ACER1: variants seen among roughly 807,000 people sequenced by gnomAD.
ACER1 encodes the protein CTB-180A7.3.
A neutral mutation model predicts 24.9 loss-of-function variants in ACER1; 28 were observed. That is an observed-to-expected ratio of 1.13 (90% CI 0.83 to 1.54). ACER1 has a LOEUF of 1.54. Among genes scored for constraint, ACER1 ranks in the 40% most tolerant of loss-of-function variants. ACER1 has a pLI of 0.00. For synonymous variants in ACER1, 132 were observed against 131.4 expected, an observed-to-expected ratio of 1.00 and a Z score of -0.03; for missense variants, 352 against 349.3, an observed-to-expected ratio of 1.01 and a Z score of -0.06.
At chr19:6,358,933 C>CAAA in the ACER1 span, among the ~76,000 whole-genome samples, 6 of 75,398 alleles carry the variant, frequency 8.0e-5, no homozygotes, top group African/African-American at 2.4e-4. Context: ...AACTCTGTCT[C>CAAA]AAAAAAAAAA....
the ACER1 span, among the ~76,000 whole-genome samples, chr19:6,350,580 G>GAAAGAAAAA: frequency 7.6e-6 from 1 of 130,862 alleles, no homozygotes; most frequent in African/African-American, 2.6e-5. Context: ...CAAGAAAAAA[G>GAAAGAAAAA]AAAGAAGAGA....
rs759458903 is a variant in ACER1, at chr19:6,309,752, C to T, written c.433G>A (p.Ala145Thr). 8.1e-6 allele frequency: 13 copies of T among 1,614,016 alleles called. No individual in the cohort carries two copies. The highest frequency in any genetic ancestry group is 1.3e-5 in the African/African-American group (1 of 74,992). The stretch of plus-strand genomic sequence containing the variant: ...ATGTGCAGGGCAATGCTGTTGAGGG[C>T]GTAGGCGTTGACCGTGGGCCGCAGG... ...SFLRPTVNAY[A>T]LNSIALHILY... Residue 145 changes from alanine to threonine, a missense_variant, in exon 4 of 6, where the codon GCC (alanine) becomes ACC (threonine). By Grantham distance (58) the Ala-to-Thr change is moderately conservative. Transcript: ENST00000301452.
At chr19:6,318,645 G>T (rs1285455382) in intron 1 of ACER1, among the ~76,000 whole-genome samples, 6 of 144,728 alleles carry the variant, frequency 4.1e-5, no homozygotes, top group African/African-American at 1.0e-4. Context: ...AAATAGCTGG[G>T]TGTGGTGGCA....
chr19:6,342,847 G>A, the ACER1 span, among the ~76,000 whole-genome samples: 8 of 151,966 alleles, frequency 5.3e-5, no homozygotes, highest in Middle Eastern at 0.01. Context: ...GCATGATCTC[G>A]GCTCACTGCA....
At chr19:6,334,896 G>A (rs372484780), upstream of ACER1, among the ~76,000 whole-genome samples, 24 of 150,592 alleles carry the variant, frequency 1.6e-4, 2 homozygotes, top group South Asian at 4.8e-3. Flanking sequence ...GGATTACAGG[G>A]TTTTCTTACT....
intron 1 of ACER1, among the ~76,000 whole-genome samples, chr19:6,318,070 C>G (rs1196566400): frequency 1.3e-5 from 2 of 151,930 alleles, no homozygotes; most frequent in African/African-American, 4.8e-5. Flanking sequence ...ACCTGTAATC[C>G]CAGCACTTTG....
At chr19:6,327,698 T>C (rs889672516) in intron 1 of ACER1, among the ~76,000 whole-genome samples, 6 of 152,100 alleles carry the variant, frequency 3.9e-5, no homozygotes, top group Admixed American at 1.3e-4. Flanking sequence ...CTAAGAATCA[T>C]GTTTACATTT....
At chr19:6,312,342 C>T in intron 2 of ACER1, 43 bp downstream of exon 2, 1 of 1,613,896 alleles carries the variant, frequency 6.2e-7, no homozygotes, top group Non-Finnish European at 8.5e-7. Context: ...CCTAAACCCC[C>T]ACTGCCTCCC....
the ACER1 span, among the ~76,000 whole-genome samples, chr19:6,345,423 T>C: frequency 6.6e-6 from 1 of 152,162 alleles, no homozygotes; most frequent in Non-Finnish European, 1.5e-5. Flanking sequence ...TTTCTATTAG[T>C]ATTACACTGT....
upstream of ACER1, among the ~76,000 whole-genome samples, chr19:6,334,010 G>A (rs1397868634): frequency 1.3e-5 from 2 of 151,838 alleles, no homozygotes; most frequent in Non-Finnish European, 2.9e-5. Flanking sequence ...CTCTGAAGTA[G>A]CCAGGACCAC....
intron 1 of ACER1, among the ~76,000 whole-genome samples, chr19:6,323,349 G>A (rs559625858): frequency 9.9e-5 from 15 of 151,028 alleles, no homozygotes; most frequent in Non-Finnish European, 2.2e-4. Flanking sequence ...GAACCCTAGG[G>A]GGCAGAGCCT....
intron 4 of ACER1, among the ~76,000 whole-genome samples, 169 bp from the exon 5 acceptor site, chr19:6,307,459 C>T (rs1177654646): frequency 1.3e-5 from 2 of 151,988 alleles, no homozygotes; most frequent in African/African-American, 4.8e-5. Context: ...AGAACTAACA[C>T]AGCATTTCCA....
At chr19:6,324,841 GA>G (rs952781566) in intron 1 of ACER1, among the ~76,000 whole-genome samples, 3 of 143,058 alleles carry the variant, frequency 2.1e-5, no homozygotes, top group Admixed American at 7.3e-5. Context: ...AGGAAGGAAG[GA>G]AGGAAAGAGA....
upstream of ACER1, among the ~76,000 whole-genome samples, chr19:6,336,256 G>A (rs2091713853): frequency 2.0e-5 from 3 of 151,660 alleles, no homozygotes. Flanking sequence ...GAGTGCAGTG[G>A]CGCAATCATA....
At chr19:6,347,098 C>CAAAAA in the ACER1 span, among the ~76,000 whole-genome samples, 3,359 of 81,218 alleles carry the variant, frequency 0.041, 117 homozygotes, top group East Asian at 0.18. Flanking sequence ...CCTGTCTCTA[C>CAAAAA]AAAAAAAAAA....
At chr19:6,342,627 G>A in the ACER1 span, among the ~76,000 whole-genome samples, 37 of 151,244 alleles carry the variant, frequency 2.4e-4, no homozygotes, top group Admixed American at 4.0e-4. Flanking sequence ...GCTGAGGCAG[G>A]AGAATGGCGT....
chr19:6,311,078 A>G (rs2091577537), intron 3 of ACER1, among the ~76,000 whole-genome samples: 1 of 151,996 alleles, frequency 6.6e-6, no homozygotes, highest in African/African-American at 2.4e-5. Flanking sequence ...AGGTGAGGTC[A>G]GGCAAGGAGT....
At chr19:6,345,468 T>C in the ACER1 span, among the ~76,000 whole-genome samples, 1 of 152,030 alleles carries the variant, frequency 6.6e-6, no homozygotes, top group Admixed American at 6.6e-5. Context: ...GCTCACATAA[T>C]GTAGAATCAG....
At chr19:6,349,432 A>AG in the ACER1 span, among the ~76,000 whole-genome samples, 1 of 132,068 alleles carries the variant, frequency 7.6e-6, no homozygotes, top group African/African-American at 3.4e-5. Flanking sequence ...AAGGAAGGAA[A>AG]GAAGGAAGGG....
Sources: gnomAD v4.1 joint callset for allele counts (sites outside exome capture counted in the v4.1 genomes callset) on GRCh38, gnomAD v4.1.1 for gene constraint, MANE v1.5 for transcripts, NCBI Gene and HGNC (gene_info 2026-07-23, HGNC 2026-07-21) for gene names.